Variants in RARB observed in about 807,000 individuals in gnomAD.
RARB encodes the protein HBV-activated protein.
RARB carries 17 observed loss-of-function variants against 51.9 expected under a neutral mutation model. The ratio of observed to expected loss-of-function variants is 0.33; its 90% CI spans 0.22 to 0.49. The LOEUF is 0.49. Among genes scored for constraint, RARB ranks in the 20% least tolerant of loss-of-function variants. RARB has a pLI of 0.99. For missense variants in RARB, 369 were observed against 550.8 expected (o/e 0.67, Z 3.30); for synonymous variants, 215 against 195.4 (o/e 1.10, Z -0.84).
chr3:25,252,622 G>C (rs1049335178), intron 5 of RARB, among the ~76,000 whole-genome samples: 3 of 152,042 alleles, frequency 2.0e-5, no homozygotes, highest in Non-Finnish European at 4.4e-5. Flanking sequence ...AGTCAGGATT[G>C]TTTCATTTTC....
intron 3 of RARB, among the ~76,000 whole-genome samples, chr3:25,114,156 C>A (rs1357188659): frequency 6.6e-6 from 1 of 152,100 alleles, no homozygotes; most frequent in Non-Finnish European, 1.5e-5. Flanking sequence ...TATGTGTTTA[C>A]AATATTTGTG....
intron 5 of RARB, among the ~76,000 whole-genome samples, chr3:25,345,647 A>G (rs1484742385): frequency 6.8e-6 from 1 of 146,152 alleles, no homozygotes; most frequent in Non-Finnish European, 1.5e-5. Context: ...CCTGGGTGAC[A>G]GAGTGAGACT....
intron 5 of RARB, among the ~76,000 whole-genome samples, chr3:25,593,163 ATC>A (rs1343024182): frequency 2.0e-5 from 3 of 150,960 alleles, no homozygotes; most frequent in Non-Finnish European, 3.0e-5. Flanking sequence ...AATCTTATTC[ATC>A]TTTTTTTTTT....
intron 5 of RARB, among the ~76,000 whole-genome samples, chr3:25,349,963 G>A (rs528313478): frequency 1.3e-5 from 2 of 152,062 alleles, no homozygotes; most frequent in East Asian, 3.9e-4. Flanking sequence ...TGGAGCTGTT[G>A]GCTGGGGCCT....
intron 5 of RARB, among the ~76,000 whole-genome samples, chr3:25,194,055 A>G (rs1246520646): frequency 6.6e-6 from 1 of 151,878 alleles, no homozygotes; most frequent in Non-Finnish European, 1.5e-5. Context: ...GTATGTATAT[A>G]TATATGAATA....
intron 5 of RARB, among the ~76,000 whole-genome samples, chr3:25,215,139 A>T (rs540616719): frequency 6.6e-6 from 1 of 152,314 alleles, no homozygotes; most frequent in South Asian, 2.1e-4. Context: ...CTGGGGCCCA[A>T]GTGTCAGTAC....
At chr3:25,185,709 A>T (rs1162723508) in intron 5 of RARB, among the ~76,000 whole-genome samples, 1 of 152,154 alleles carries the variant, frequency 6.6e-6, no homozygotes, top group Non-Finnish European at 1.5e-5. Flanking sequence ...ACATAAAGTG[A>T]CTTTCATAGC....
intron 5 of RARB, among the ~76,000 whole-genome samples, chr3:25,312,566 T>C (rs1044925738): frequency 6.6e-6 from 1 of 152,208 alleles, no homozygotes; most frequent in African/African-American, 2.4e-5. Flanking sequence ...TAATGTAATT[T>C]AGTGAGTGAG....
At chr3:25,037,258 G>A (rs1698016378) in intron 2 of RARB, among the ~76,000 whole-genome samples, 1 of 141,124 alleles carries the variant, frequency 7.1e-6, no homozygotes, top group Non-Finnish European at 1.6e-5. Context: ...AATTTCACCA[G>A]CTTTTTTTTT....
intron 3 of RARB, among the ~76,000 whole-genome samples, chr3:25,120,527 A>ATCTCTC (rs138649959): frequency 0.033 from 4,455 of 136,046 alleles, 175 homozygotes; most frequent in Admixed American, 0.09. Flanking sequence ...ATATATAAAA[A>ATCTCTC]TCTCTCTCTC....
intron 5 of RARB, among the ~76,000 whole-genome samples, chr3:25,343,368 C>A (rs1224970372): frequency 6.6e-6 from 1 of 151,962 alleles, no homozygotes; most frequent in African/African-American, 2.4e-5. Flanking sequence ...GTTTTCTCCC[C>A]CTTTGTCTTT....
chr3:25,228,485 ATCTCT>A (rs1353652304), intron 5 of RARB, among the ~76,000 whole-genome samples: 1 of 151,530 alleles, frequency 6.6e-6, no homozygotes, highest in Non-Finnish European at 1.5e-5. Flanking sequence ...CTCTTTAATT[ATCTCT>A]TCTCTTCTAT....
intron 2 of RARB, among the ~76,000 whole-genome samples, chr3:24,956,582 C>A (rs1467587269): frequency 1.3e-5 from 2 of 152,138 alleles, no homozygotes; most frequent in African/African-American, 4.8e-5. Context: ...ATCCCAGACA[C>A]ATTTGTGGCT....
intron 1 of RARB, among the ~76,000 whole-genome samples, chr3:25,433,691 T>C (rs1708302284): frequency 6.6e-6 from 1 of 152,168 alleles, no homozygotes; most frequent in Non-Finnish European, 1.5e-5. Flanking sequence ...TAAGTACCTC[T>C]TGTTAAATAG....
intron 5 of RARB, among the ~76,000 whole-genome samples, chr3:25,216,019 C>T (rs116375625): frequency 6.6e-6 from 1 of 152,168 alleles, no homozygotes; most frequent in Non-Finnish European, 1.5e-5. Flanking sequence ...TGGACTAATG[C>T]TTTCAGAGCC....
At chr3:25,260,644 G>C (rs958066967) in intron 5 of RARB, among the ~76,000 whole-genome samples, 7 of 151,986 alleles carry the variant, frequency 4.6e-5, no homozygotes, top group African/African-American at 1.5e-4. Context: ...GAGGAAAAGG[G>C]GTCCCATCTC....
At chr3:24,914,387 G>C (rs1695063580) in intron 2 of RARB, among the ~76,000 whole-genome samples, 1 of 152,156 alleles carries the variant, frequency 6.6e-6, no homozygotes, top group African/African-American at 2.4e-5. Context: ...GGCAGGGTAA[G>C]ACAGGTATGC....
intron 2 of RARB, among the ~76,000 whole-genome samples, chr3:25,058,488 C>A (rs1004479858): frequency 3.3e-5 from 5 of 150,418 alleles, no homozygotes; most frequent in Non-Finnish European, 7.4e-5. Flanking sequence ...CTAAATCAAC[C>A]AGTAAGATAT....
At chr3:25,250,155 C>A (rs1384610805) in intron 5 of RARB, among the ~76,000 whole-genome samples, 1 of 152,128 alleles carries the variant, frequency 6.6e-6, no homozygotes, top group Non-Finnish European at 1.5e-5. Context: ...CAGGTGGTGC[C>A]AGCTGTAGTA....
Sources: gnomAD v4.1 joint callset for allele counts (sites outside exome capture counted in the v4.1 genomes callset) on GRCh38, gnomAD v4.1.1 for gene constraint, MANE v1.5 for transcripts, NCBI Gene and HGNC (gene_info 2026-07-23, HGNC 2026-07-21) for gene names.